Variants in JARID2 observed in about 807,000 individuals in gnomAD.
The protein encoded by JARID2 is jumonji and AT-rich interaction domain containing 2, also known as protein Jumonji.
A neutral mutation model predicts 125.6 loss-of-function variants in JARID2; 21 were observed. The observed-to-expected ratio is 0.17, with a 90% CI of 0.12 to 0.24. The LOEUF (loss-of-function observed/expected upper bound fraction) is 0.24. Among genes scored for constraint, JARID2 ranks in the 10% least tolerant of loss-of-function variants. The pLI, the probability that JARID2 is intolerant of heterozygous loss-of-function variation, is 1.00. For synonymous variants in JARID2, 736 were observed against 661.6 expected, an observed-to-expected ratio of 1.11 and a Z score of -1.73; for missense variants, 1,303 against 1,639.6, an observed-to-expected ratio of 0.79 and a Z score of 3.55.
intron 4 of JARID2, among the ~76,000 whole-genome samples, chr6:15,455,249 G>A (rs1013973978): frequency 6.7e-6 from 1 of 149,624 alleles, no homozygotes; most frequent in Admixed American, 6.7e-5. Context: ...CTTTGGTCTT[G>A]CGTGGCTTAA....
intron 3 of JARID2, among the ~76,000 whole-genome samples, chr6:15,439,031 CAAA>C (rs754404770): frequency 3.5e-5 from 3 of 85,768 alleles, no homozygotes; most frequent in African/African-American, 4.7e-5. Context: ...GACTCTGTCT[CAAA>C]AAAAAAAAAA....
chr6:15,382,136 G>A (rs964940864), intron 2 of JARID2, among the ~76,000 whole-genome samples: 8 of 152,194 alleles, frequency 5.3e-5, no homozygotes, highest in South Asian at 2.1e-4. Context: ...GGTGGCGCAC[G>A]CCTGTACTCC....
chr6:15,438,576 T>G (rs1767312525), intron 3 of JARID2, among the ~76,000 whole-genome samples: 1 of 152,206 alleles, frequency 6.6e-6, no homozygotes, highest in East Asian at 1.9e-4. Context: ...TCTTTGTTAT[T>G]GTGGTTCCTC....
intron 2 of JARID2, among the ~76,000 whole-genome samples, chr6:15,375,958 G>C (rs891283414): frequency 2.0e-5 from 3 of 152,188 alleles, no homozygotes; most frequent in African/African-American, 7.2e-5. Context: ...AGATGTTCAG[G>C]ATTTAATAAA....
intron 7 of JARID2, among the ~76,000 whole-genome samples, chr6:15,500,662 G>A (rs1413731361): frequency 6.6e-6 from 1 of 152,078 alleles, no homozygotes; most frequent in Non-Finnish European, 1.5e-5. Context: ...TGCCTCCTCA[G>A]ACGCTCCCCA....
At chr6:15,363,598 G>A (rs187229777) in intron 1 of JARID2, among the ~76,000 whole-genome samples, 34 of 152,312 alleles carry the variant, frequency 2.2e-4, no homozygotes, top group Admixed American at 2.0e-3. Context: ...TAAAAGGCGA[G>A]TAAGACACAG....
chr6:15,364,569 G>A (rs529252666), intron 1 of JARID2, among the ~76,000 whole-genome samples: 1 of 152,324 alleles, frequency 6.6e-6, no homozygotes, highest in East Asian at 1.9e-4. Flanking sequence ...CTGGAGAGTT[G>A]TATGAGTGGA....
chr6:15,513,168 CGT>C (rs34554301), intron 15 of JARID2, 69 bp from the exon 16 acceptor site: 1,159,208 of 1,560,204 alleles, frequency 0.74, 437,074 homozygotes, highest in Non-Finnish European at 0.77. Flanking sequence ...GTGTGGGGTG[CGT>C]GTGTCCCCTC....
At position 15,389,347 on chromosome 6, in the gene JARID2, T is replaced by C. The variant is rs143817401; in HGVS notation, c.181+15095T>C. Among the ~76,000 whole-genome samples, 503 of 152,274 alleles carry C rather than the reference T, an allele frequency of 3.3e-3. 2 individuals carry two copies. The highest frequency in any genetic ancestry group is 0.012 in the African/African-American group (482 of 41,550). On this transcript the variant is annotated intron_variant, in intron 2 of 17. Coordinates refer to ENST00000341776, the MANE Select transcript of JARID2 (RefSeq NM_004973.4). ...TGATTTTTAAATGTTTTGGTAGAGATGGGGTGTCACTGTATTGCCCAGGCT... is the reference window on the plus strand; with the variant it reads ...TGATTTTTAAATGTTTTGGTAGAGACGGGGTGTCACTGTATTGCCCAGGCT...
chr6:15,368,364 C>T (rs7766054), intron 1 of JARID2, among the ~76,000 whole-genome samples: 4,593 of 152,142 alleles, frequency 0.03, 239 homozygotes, highest in African/African-American at 0.1. Context: ...CATGGTGATG[C>T]AATACTTTTA....
intron 1 of JARID2, among the ~76,000 whole-genome samples, chr6:15,246,805 C>G (rs1759197893): frequency 6.6e-6 from 1 of 152,000 alleles, no homozygotes; most frequent in South Asian, 2.1e-4. Flanking sequence ...ATAAATTGAC[C>G]TCGAATGACA....
At chr6:15,490,260 AT>A (rs35269654) in intron 6 of JARID2, among the ~76,000 whole-genome samples, 110 of 151,640 alleles carry the variant, frequency 7.3e-4, no homozygotes, top group African/African-American at 2.3e-3. Context: ...TGATATGTGG[AT>A]TTTTTTTTGT....
chr6:15,345,940 A>C (rs976171327), intron 1 of JARID2, among the ~76,000 whole-genome samples: 1 of 152,162 alleles, frequency 6.6e-6, no homozygotes, highest in Admixed American at 6.5e-5. Flanking sequence ...GGGATAAGTT[A>C]GCTTTTCTTT....
chr6:15,395,844 T>C (rs1160363378), intron 2 of JARID2, among the ~76,000 whole-genome samples: 1 of 152,020 alleles, frequency 6.6e-6, no homozygotes, highest in Non-Finnish European at 1.5e-5. Flanking sequence ...TGTTGTACTT[T>C]AGTAGAGACA....
intron 5 of JARID2, among the ~76,000 whole-genome samples, chr6:15,472,885 T>C (rs989313877): frequency 4.6e-5 from 7 of 152,240 alleles, no homozygotes; most frequent in African/African-American, 1.2e-4. Flanking sequence ...TTGAATCTTA[T>C]TTAGTCTGAG....
Position 15,446,064 on chromosome 6 carries a change from C to T in JARID2, c.324-5942C>T, listed in dbSNP as rs564248227. On this transcript the variant is annotated intron_variant, in intron 3 of 17. Coordinates refer to ENST00000341776, the MANE Select transcript of JARID2 (RefSeq NM_004973.4). ...GTTTCACAAACATGCACCAATCTCCCTTTTCCTCTGAGTTGCCATTCAGTC... is the reference window on the plus strand; with the variant it reads ...GTTTCACAAACATGCACCAATCTCCTTTTTCCTCTGAGTTGCCATTCAGTC... Among the ~76,000 whole-genome samples, 5 of 152,286 alleles carry T rather than the reference C, an allele frequency of 3.3e-5. No homozygotes were observed. The South Asian group carries it at 1.0e-3, about 32-fold the overall frequency.
chr6:15,356,271 G>T (rs1763597108), intron 1 of JARID2, among the ~76,000 whole-genome samples: 1 of 152,124 alleles, frequency 6.6e-6, no homozygotes, highest in Non-Finnish European at 1.5e-5. Flanking sequence ...GTGAACATTT[G>T]TGTTCACGTT....
intron 1 of JARID2, among the ~76,000 whole-genome samples, chr6:15,276,981 A>C (rs1717907993): frequency 6.6e-6 from 1 of 152,198 alleles, no homozygotes; most frequent in Non-Finnish European, 1.5e-5. Context: ...AAAGCTTGTT[A>C]CCATGAAGTT....
At chr6:15,508,716 G>A (rs1443743184) in intron 12 of JARID2, among the ~76,000 whole-genome samples, 1 of 152,208 alleles carries the variant, frequency 6.6e-6, no homozygotes, top group Non-Finnish European at 1.5e-5. Flanking sequence ...GGCCATTTAA[G>A]TTCCCCTTAG....
Sources: allele counts gnomAD v4.1 joint callset (sites outside exome capture counted in the v4.1 genomes callset), GRCh38; gene constraint gnomAD v4.1.1; transcripts MANE v1.5; gene names NCBI Gene and HGNC (gene_info 2026-07-23, HGNC 2026-07-21).